PLCH1: variants seen among roughly 807,000 people sequenced by gnomAD.
The protein encoded by PLCH1 is phospholipase C eta 1.
A neutral mutation model predicts 126.7 loss-of-function variants in PLCH1; 60 were observed. The observed-to-expected ratio is 0.47, with a 90% CI of 0.38 to 0.59. PLCH1 has a LOEUF of 0.59. Among genes scored for constraint, PLCH1 ranks in the 20% least tolerant of loss-of-function variants. The pLI is 0.00. For missense variants in PLCH1, 1,723 were observed against 2,040.0 expected (o/e 0.84, Z 2.99); for synonymous variants, 719 against 734.9 (o/e 0.98, Z 0.35).
chr3:155,718,108 T>C (rs1747668447), intron 1 of PLCH1, among the ~76,000 whole-genome samples: 1 of 152,182 alleles, frequency 6.6e-6, no homozygotes, highest in Admixed American at 6.5e-5. Flanking sequence ...AAAGTGTCTA[T>C]AGATCCCTAG....
chr3:155,527,859 GCA>G (rs1722163266), intron 10 of PLCH1, among the ~76,000 whole-genome samples: 1 of 149,202 alleles, frequency 6.7e-6, no homozygotes, highest in Non-Finnish European at 1.5e-5. Context: ...GGCAGAAGTT[GCA>G]GTGAGCCAAG....
At chr3:155,473,309 T>C (rs1264895481) in intron 21 of PLCH1, among the ~76,000 whole-genome samples, 7 of 152,014 alleles carry the variant, frequency 4.6e-5, no homozygotes, top group African/African-American at 1.7e-4. Flanking sequence ...AAATCATGAG[T>C]GACCTCCCAT....
intron 5 of PLCH1, 45 bp from the exon 6 acceptor site, chr3:155,583,687 T>G: frequency 7.2e-7 from 1 of 1,385,808 alleles, no homozygotes; most frequent in Non-Finnish European, 9.7e-7. Flanking sequence ...AAGTTAGAAA[T>G]AGGAAATTCA....
intron 12 of PLCH1, among the ~76,000 whole-genome samples, chr3:155,506,581 C>T (rs1372879963): frequency 7.3e-6 from 1 of 136,222 alleles, no homozygotes; most frequent in East Asian, 2.3e-4. Context: ...CAATTCCCAC[C>T]TATGAGTGAG....
intron 6 of PLCH1, among the ~76,000 whole-genome samples, chr3:155,577,164 GCAGGAAGATTGCTTGAGCT>G (rs1317737576): frequency 3.5e-4 from 53 of 152,238 alleles, no homozygotes; most frequent in African/African-American, 1.2e-3. Context: ...GGAGGCTGAG[GCAGGAAGATTGCTTGAGCT>G]CAGGAGTTGG....
chr3:155,633,991 G>C (rs1176245411), intron 2 of PLCH1, among the ~76,000 whole-genome samples: 4 of 151,960 alleles, frequency 2.6e-5, no homozygotes, highest in African/African-American at 7.3e-5. Context: ...AGGTATTATA[G>C]GCTGCAATCC....
At chr3:155,733,463 A>T (rs1458951604) in intron 1 of PLCH1, among the ~76,000 whole-genome samples, 1 of 152,200 alleles carries the variant, frequency 6.6e-6, no homozygotes, top group African/African-American at 2.4e-5. Flanking sequence ...TGAACACACA[A>T]TGGGGAAAGA....
intron 2 of PLCH1, among the ~76,000 whole-genome samples, chr3:155,616,250 C>A (rs1735785655): frequency 6.6e-6 from 1 of 150,610 alleles, no homozygotes; most frequent in East Asian, 1.9e-4. Context: ...GAAAGTAATT[C>A]TGTCTAATTT....
At chr3:155,570,102 T>C (rs901097778) in intron 6 of PLCH1, among the ~76,000 whole-genome samples, 2 of 152,148 alleles carry the variant, frequency 1.3e-5, no homozygotes, top group Admixed American at 6.6e-5. Flanking sequence ...GGATTGACTC[T>C]TTGCAAAATA....
In PLCH1 at chr3:155,512,738, A is replaced by G. The variant is rs1719762829; in HGVS notation, c.1632+1985T>C. ...AGCCAGAACAGAAAGGAAGGATCTT[A>G]TGGGCTATTATCTCTGAATTTGAGC... On this transcript the variant is annotated intron_variant, in intron 12 of 22. Coordinates refer to ENST00000460012, the MANE Select transcript of PLCH1 (RefSeq NM_014996.4). Among the ~76,000 whole-genome samples, 3 of 152,324 alleles carry G rather than the reference A, an allele frequency of 2.0e-5. No homozygotes were observed. In the South Asian group the frequency reaches 6.2e-4, roughly 32 times the overall value.
intron 1 of PLCH1, among the ~76,000 whole-genome samples, chr3:155,741,688 T>TATTTTTTTTTTATTTTTTTTTA (rs199564497): frequency 1.3e-4 from 19 of 142,880 alleles, no homozygotes; most frequent in Non-Finnish European, 1.1e-4. Flanking sequence ...TATCCTCTTT[T>TATTTTTTTTTTATTTTTTTTTA]TTTTTTTTTT....
intron 21 of PLCH1, among the ~76,000 whole-genome samples, chr3:155,461,475 T>G (rs1209070627): frequency 6.6e-6 from 1 of 152,126 alleles, no homozygotes; most frequent in Non-Finnish European, 1.5e-5. Context: ...AACTATTATA[T>G]GAAGAAAATG....
chr3:155,563,259 T>A lies in PLCH1; in HGVS notation c.1069+1656A>T, dbSNP rs185837015. 5.8e-3 allele frequency among the ~76,000 whole-genome samples: 877 copies of A among 152,326 alleles called. 2 individuals carry two copies. The highest frequency in any genetic ancestry group is 8.9e-3 in the Non-Finnish European group (608 of 68,030). On this transcript the variant is annotated intron_variant, in intron 8 of 22. Transcript: ENST00000460012. ...ACATACCAAGTTCAGCATTTTGGAA[T>A]CCTTATCTTGCCCAGACTCTTCATT...
At chr3:155,725,510 C>T (rs984271020) in intron 1 of PLCH1, among the ~76,000 whole-genome samples, 6 of 149,040 alleles carry the variant, frequency 4.0e-5, no homozygotes, top group Admixed American at 1.3e-4. Context: ...TACGATAGTG[C>T]GATCTCAGCT....
intron 10 of PLCH1, among the ~76,000 whole-genome samples, chr3:155,526,494 A>C (rs1721966252): frequency 1.0e-5 from 1 of 97,038 alleles, no homozygotes; most frequent in Admixed American, 9.6e-5. Flanking sequence ...TCTCATACAC[A>C]CACACACACA....
intron 6 of PLCH1, among the ~76,000 whole-genome samples, chr3:155,571,489 T>C (rs1447610239): frequency 1.3e-5 from 2 of 152,146 alleles, no homozygotes; most frequent in Non-Finnish European, 2.9e-5. Flanking sequence ...CAACCTCTGC[T>C]TACCGCGTTC....
At chr3:155,636,011 G>T (rs959281837) in intron 2 of PLCH1, among the ~76,000 whole-genome samples, 1 of 152,158 alleles carries the variant, frequency 6.6e-6, no homozygotes, top group Non-Finnish European at 1.5e-5. Context: ...AAACGCATAG[G>T]TTGACAGATG....
intron 1 of PLCH1, among the ~76,000 whole-genome samples, chr3:155,706,172 CAAAAAA>C (rs34725442): frequency 0.12 from 7,648 of 61,450 alleles, 382 homozygotes; most frequent in African/African-American, 0.19. Context: ...GACTCTATCT[CAAAAAA>C]AAAAAAAAAA....
intron 2 of PLCH1, among the ~76,000 whole-genome samples, chr3:155,657,169 C>T (rs1158760115): frequency 6.6e-6 from 1 of 151,708 alleles, no homozygotes; most frequent in Non-Finnish European, 1.5e-5. Flanking sequence ...GAGTAACCCA[C>T]ATGAAACAAA....
Sources: allele counts gnomAD v4.1 joint callset (sites outside exome capture counted in the v4.1 genomes callset), GRCh38; gene constraint gnomAD v4.1.1; transcripts MANE v1.5; gene names NCBI Gene and HGNC (gene_info 2026-07-23, HGNC 2026-07-21).